Variants in UNC13C observed in about 807,000 individuals in gnomAD.
UNC13C encodes protein unc-13 homolog C.
A neutral mutation model predicts 245.4 loss-of-function variants in UNC13C; 174 were observed. The ratio of observed to expected loss-of-function variants is 0.71; its 90% confidence interval spans 0.63 to 0.80. The LOEUF is 0.80. Among genes scored for constraint, UNC13C ranks in the 30% least tolerant of loss-of-function variants. The pLI is 0.00. For synonymous variants in UNC13C, 992 were observed against 895.1 expected (o/e 1.11, Z -1.93); for missense variants, 2,829 against 2,602.9 (o/e 1.09, Z -1.89).
At position 54,269,750 on chromosome 15, in the gene UNC13C, G is replaced by A. The variant is rs552585502; in HGVS notation, c.3818+4254G>A. On this transcript the variant is annotated intron_variant, in intron 10 of 32. Transcript: ENST00000260323. ...TGGACCATTAAACTATGAATTATCTGTATTATTATTGGCAGTTTTCATATA... is the reference window on the plus strand; with the variant it reads ...TGGACCATTAAACTATGAATTATCTATATTATTATTGGCAGTTTTCATATA... Among the ~76,000 whole-genome samples the A allele has an allele frequency of 5.3e-5, 8 of 152,180 alleles. No individual in the cohort carries two copies. In the South Asian group the frequency reaches 1.5e-3, roughly 28 times the overall value.
At chr15:54,205,520 C>G (rs971041529) in intron 4 of UNC13C, among the ~76,000 whole-genome samples, 1 of 152,008 alleles carries the variant, frequency 6.6e-6, no homozygotes, top group African/African-American at 2.4e-5. Context: ...ACCTGCCACA[C>G]AGTAAAGGCT....
chr15:53,930,198 T>C, the UNC13C span, among the ~76,000 whole-genome samples: 2 of 152,178 alleles, frequency 1.3e-5, no homozygotes, highest in African/African-American at 2.4e-5. Context: ...CACAGTTTCT[T>C]CACATGGCCC....
chr15:54,485,938 C>T (rs492561), intron 19 of UNC13C, among the ~76,000 whole-genome samples: 4,984 of 152,228 alleles, frequency 0.033, 125 homozygotes, highest in East Asian at 0.1. Flanking sequence ...AAAGGCACTC[C>T]AGGCCCACTT....
intron 19 of UNC13C, among the ~76,000 whole-genome samples, chr15:54,479,080 G>A (rs1279890902): frequency 6.6e-6 from 1 of 151,950 alleles, no homozygotes; most frequent in East Asian, 1.9e-4. Flanking sequence ...TGTGTTCGTG[G>A]TGCCTTTGTA....
chr15:53,868,088 G>A, the UNC13C span, among the ~76,000 whole-genome samples: 1 of 152,150 alleles, frequency 6.6e-6, no homozygotes, highest in South Asian at 2.1e-4. Context: ...TTCTGCCTTG[G>A]CCTCCCAAAG....
At chr15:53,985,090 C>T (rs950782031) in intron 1 of UNC13C, among the ~76,000 whole-genome samples, 1 of 151,666 alleles carries the variant, frequency 6.6e-6, no homozygotes, top group Admixed American at 6.6e-5. Flanking sequence ...TCTAAGTTCC[C>T]TCCCCTCAAT....
the UNC13C span, among the ~76,000 whole-genome samples, chr15:53,875,904 G>A: frequency 1.3e-5 from 2 of 152,118 alleles, no homozygotes; most frequent in Non-Finnish European, 2.9e-5. Flanking sequence ...ACACTGAAGT[G>A]TCAATGTTAC....
chr15:54,326,018 A>G (rs1015768340), intron 14 of UNC13C, among the ~76,000 whole-genome samples: 1 of 152,004 alleles, frequency 6.6e-6, no homozygotes, highest in Non-Finnish European at 1.5e-5. Context: ...TATAAGTACT[A>G]TCTCAGAGGA....
chr15:53,917,891 C>G, the UNC13C span, among the ~76,000 whole-genome samples: 1 of 151,988 alleles, frequency 6.6e-6, no homozygotes, highest in Non-Finnish European at 1.5e-5. Context: ...TTTTTAGTAA[C>G]TTAAAGCACA....
intron 2 of UNC13C, among the ~76,000 whole-genome samples, chr15:54,028,016 T>C (rs879317344): frequency 6.6e-6 from 1 of 152,142 alleles, no homozygotes; most frequent in Admixed American, 6.5e-5. Context: ...TGGTAGGAGA[T>C]AGGGATAAGT....
the UNC13C span, among the ~76,000 whole-genome samples, chr15:53,843,529 T>G: frequency 2.0e-5 from 3 of 152,088 alleles, no homozygotes; most frequent in East Asian, 5.8e-4. Context: ...TTTTACTTAT[T>G]TTTTTATAAG....
At chr15:54,027,415 G>A (rs974398967) in intron 2 of UNC13C, among the ~76,000 whole-genome samples, 1 of 151,870 alleles carries the variant, frequency 6.6e-6, no homozygotes, top group Non-Finnish European at 1.5e-5. Context: ...GTCGCCCAGG[G>A]TGGAGTGCAG....
chr15:54,473,355 T>G (rs1220567723), intron 19 of UNC13C, among the ~76,000 whole-genome samples: 1 of 151,988 alleles, frequency 6.6e-6, no homozygotes, highest in Non-Finnish European at 1.5e-5. Context: ...TTCTTTGTGT[T>G]AGGAACAGTT....
intron 17 of UNC13C, among the ~76,000 whole-genome samples, chr15:54,365,526 T>C (rs2039344282): frequency 6.6e-6 from 1 of 152,200 alleles, no homozygotes; most frequent in Non-Finnish European, 1.5e-5. Context: ...CCTCCCAAAG[T>C]TTTCTTTTTA....
chr15:53,876,759 A>G, the UNC13C span, among the ~76,000 whole-genome samples: 325 of 152,306 alleles, frequency 2.1e-3, 1 homozygote, highest in Non-Finnish European at 3.4e-3. Flanking sequence ...GAAGTATTTT[A>G]TGGTATCTTT....
At chr15:54,488,012 C>A (rs1893513512) in intron 19 of UNC13C, among the ~76,000 whole-genome samples, 1 of 129,052 alleles carries the variant, frequency 7.7e-6, no homozygotes, top group Non-Finnish European at 1.6e-5. Flanking sequence ...TTTCTTGCCT[C>A]CAAAGATATC....
chr15:54,220,200 T>A (rs2140779457), intron 4 of UNC13C, among the ~76,000 whole-genome samples: 1 of 151,470 alleles, frequency 6.6e-6, no homozygotes, highest in South Asian at 2.1e-4. Context: ...CCAACCCAAA[T>A]GTCTAACAAT....
In UNC13C at chr15:54,150,593, G is replaced by C. The variant is rs536733833; in HGVS notation, c.3071+6909G>C. Among the ~76,000 whole-genome samples the C allele has an allele frequency of 1.3e-4, 20 of 152,326 alleles. No homozygotes were observed. The South Asian group carries it at 3.7e-3, about 28-fold the overall frequency. On this transcript the variant is annotated intron_variant, in intron 4 of 32. Coordinates refer to ENST00000260323, the MANE Select transcript of UNC13C (RefSeq NM_001080534.3). ...TGAGCCATTAGCTTCCTGTGGTCAA[G>C]AAGACTGCCTATCTAATTTTGGCCT...
At chr15:54,209,515 T>A (rs2034815264) in intron 4 of UNC13C, among the ~76,000 whole-genome samples, 1 of 151,970 alleles carries the variant, frequency 6.6e-6, no homozygotes, top group African/African-American at 2.4e-5. Context: ...CAGGCTCAGA[T>A]GATCCTCCCT....
Sources: allele counts gnomAD v4.1 joint callset (sites outside exome capture counted in the v4.1 genomes callset), GRCh38; gene constraint gnomAD v4.1.1; transcripts MANE v1.5; gene names NCBI Gene and HGNC (gene_info 2026-07-23, HGNC 2026-07-21).